The following CUL5 variants were observed in gnomAD, a reference collection of about 807,000 sequenced individuals.
CUL5 encodes the protein cullin 5, also known as cullin-5.
A neutral mutation model predicts 108.8 loss-of-function variants in CUL5; 26 were observed. That is an observed-to-expected ratio of 0.24 (90% CI 0.18 to 0.33). The LOEUF is 0.33. CUL5 is among the 10% of genes least tolerant of loss of function. The pLI is 1.00. For synonymous variants in CUL5, 334 were observed against 298.0 expected (o/e 1.12, Z -1.25); for missense variants, 524 against 909.2 (o/e 0.58, Z 5.45).
At chr11:108,028,953 TA>T (rs1353236424) in intron 1 of CUL5, among the ~76,000 whole-genome samples, 2 of 152,252 alleles carry the variant, frequency 1.3e-5, no homozygotes, top group African/African-American at 4.8e-5. Context: ...TCCAGCTCAG[TA>T]AGATCCAGTA....
At chr11:108,042,014 A>G (rs140068615) in intron 2 of CUL5, among the ~76,000 whole-genome samples, 4 of 152,212 alleles carry the variant, frequency 2.6e-5, no homozygotes, top group East Asian at 1.9e-4. Flanking sequence ...GATGGGGACT[A>G]TCATGGTAAT....
At chr11:108,023,327 A>G (rs918919802) in intron 1 of CUL5, among the ~76,000 whole-genome samples, 1 of 152,210 alleles carries the variant, frequency 6.6e-6, no homozygotes, top group African/African-American at 2.4e-5. Flanking sequence ...GGTGTCTTTT[A>G]ATGGCTAAAG....
intron 2 of CUL5, among the ~76,000 whole-genome samples, chr11:108,035,904 C>T (rs1456400841): frequency 1.3e-5 from 2 of 152,130 alleles, no homozygotes; most frequent in Non-Finnish European, 2.9e-5. Flanking sequence ...TCTGTGATTT[C>T]AGGATTCCAA....
chr11:108,068,645 T>G (rs1863749744), intron 7 of CUL5, among the ~76,000 whole-genome samples: 1 of 152,168 alleles, frequency 6.6e-6, no homozygotes, highest in Admixed American at 6.6e-5. Context: ...AGATGATTTG[T>G]TTTTCAGAAG....
At chr11:108,065,597 A>C (rs546521431) in intron 7 of CUL5, among the ~76,000 whole-genome samples, 97 of 152,272 alleles carry the variant, frequency 6.4e-4, no homozygotes, top group Non-Finnish European at 1.2e-3. Flanking sequence ...AGTTCAATGC[A>C]GTATCTCACA....
In CUL5 at chr11:108,094,413, A is replaced by T. The variant is rs202086072; in HGVS notation, c.1466A>T (p.Tyr489Phe). 36 of 1,586,958 alleles carry T rather than the reference A, an allele frequency of 2.3e-5. No homozygotes were observed. The Middle Eastern group carries it at 2.2e-3, about 95-fold the overall frequency. The change falls in exon 14 of 19, where the codon TAT becomes TTT. Residue 489 changes from tyrosine to phenylalanine, a missense_variant. This residue lies in a region of CUL5 where 76 missense variants were observed against 168.3 expected (regional missense o/e 0.45). Transcript: ENST00000393094. ...TAGGAAGTTGGTATGCCAGCGGATTATGTAAACAAGCTTGCTAGAATGTTT... is the reference window on the plus strand; with the variant it reads ...TAGGAAGTTGGTATGCCAGCGGATTTTGTAAACAAGCTTGCTAGAATGTTT... ...WLREVGMPADYVNKLARMFQD... is the reference protein window; with the variant it reads ...WLREVGMPADFVNKLARMFQD...
At chr11:108,073,594 A>C (rs1014904332) in intron 10 of CUL5, 97 bp downstream of exon 10, 4 of 511,946 alleles carry the variant, frequency 7.8e-6, no homozygotes, top group Non-Finnish European at 6.5e-6. Context: ...ATTAATTATA[A>C]ACTTAAAAAC....
Position 108,046,393 on chromosome 11 carries a change from G to A in CUL5, c.234+24G>A. ...CAGTAAGTTCTACATGCTTATTTTA[G>A]ACTTGTTTTAAAACTACTCAGATAA... is the stretch of plus-strand genomic sequence containing the variant. On this transcript the variant is annotated intron_variant, in intron 3 of 18. Transcript: ENST00000393094. 2.2e-6 allele frequency: 3 copies of A among 1,386,426 alleles called. No individual in the cohort carries two copies. The South Asian group carries it at 3.7e-5, about 17-fold the overall frequency. The allele number at this position is 1,386,426 out of a possible 1,614,324, so 85.9% of individuals were successfully genotyped here. A position where few individuals can be genotyped will look rare whatever the true frequency, so the allele number is the denominator to read the frequency against.
intron 11 of CUL5, among the ~76,000 whole-genome samples, chr11:108,081,568 T>C (rs949568144): frequency 6.6e-6 from 1 of 151,712 alleles, no homozygotes; most frequent in Non-Finnish European, 1.5e-5. Flanking sequence ...CTGGCTAACA[T>C]GGTGAAACCC....
Position 108,106,114 on chromosome 11 carries a change from C to T in CUL5, c.*1730C>T, listed in dbSNP as rs1241927555. 2.0e-5 allele frequency: 3 copies of T among 152,288 alleles called. No individual in the cohort carries two copies. The highest frequency in any genetic ancestry group is 7.2e-5 in the African/African-American group (3 of 41,442). The allele number at this position is 152,288 out of a possible 1,614,324, so 9.4% of individuals were successfully genotyped here. A position where few individuals can be genotyped will look rare whatever the true frequency, so the allele number is the denominator to read the frequency against. On this transcript the variant is annotated 3_prime_UTR_variant, in exon 19 of 19. Coordinates refer to ENST00000393094, the MANE Select transcript of CUL5 (RefSeq NM_003478.6). ...AGAATTAAACTAAAATTAATACGTA[C>T]AGTTTTCTCTAATTAGGTGACTGTT...
At position 108,014,536 on chromosome 11, in the gene CUL5, A is replaced by T. The variant is rs1862133317; in HGVS notation, c.24+5164A>T. 3.9e-5 allele frequency among the ~76,000 whole-genome samples: 6 copies of T among 152,326 alleles called. No homozygotes were observed. In the South Asian group the frequency reaches 1.2e-3, roughly 32 times the overall value. ...CCCTCAATCTATTTTTGGCTTTTAC[A>T]CATAAATAAAAGTTATTATATTTTC... On this transcript the variant is annotated intron_variant, in intron 1 of 18. Transcript: ENST00000393094.
chr11:108,046,786 T>C (rs1190998102), intron 3 of CUL5, among the ~76,000 whole-genome samples: 2 of 152,214 alleles, frequency 1.3e-5, no homozygotes, highest in Non-Finnish European at 2.9e-5. Flanking sequence ...TGTATTGCTG[T>C]TGCTGAGCTG....
rs867688231 is a variant in CUL5, at chr11:108,070,184, C to G, written c.869C>G (p.Thr290Ser). The G allele has an allele frequency of 6.2e-7, 1 of 1,605,432 alleles. No homozygotes were observed. The highest frequency in any genetic ancestry group is 1.1e-5 in the South Asian group (1 of 90,620). ...ECQGMIKRNE[T>S]EKLHLMFSLM... ...CAAGGCATGATCAAGAGAAATGAAA[C>G]TGAAAGTAGGTAAAACATCACATAA... is the stretch of plus-strand genomic sequence containing the variant. Residue 290 changes from threonine to serine, a missense_variant, in exon 8 of 19, where the codon ACT becomes AGT. By Grantham distance (58) the Thr-to-Ser change is moderately conservative (BLOSUM62 1). Around this residue, in one of 8 missense-constraint regions of CUL5, gnomAD observed 170 missense variants for 305.1 expected, o/e 0.56. Coordinates refer to ENST00000393094, the MANE Select transcript of CUL5 (RefSeq NM_003478.6).
intron 16 of CUL5, among the ~76,000 whole-genome samples, chr11:108,096,052 C>T (rs749813627): frequency 2.7e-5 from 4 of 149,876 alleles, no homozygotes; most frequent in African/African-American, 4.9e-5. Flanking sequence ...GCCAAGATTG[C>T]GCCACTACAC....
intron 1 of CUL5, among the ~76,000 whole-genome samples, chr11:108,029,137 C>T (rs1186004355): frequency 3.9e-5 from 6 of 152,112 alleles, no homozygotes; most frequent in African/African-American, 2.4e-5. Context: ...GGCTTCCCCA[C>T]GGCCCATTTG....
intron 11 of CUL5, among the ~76,000 whole-genome samples, chr11:108,079,981 A>G (rs2135203479): frequency 6.6e-6 from 1 of 152,276 alleles, no homozygotes; most frequent in East Asian, 1.9e-4. Flanking sequence ...GTATGAGAGT[A>G]CCAGCTGACC....
intron 4 of CUL5, among the ~76,000 whole-genome samples, chr11:108,051,716 G>A (rs1863227695): frequency 6.6e-6 from 1 of 152,148 alleles, no homozygotes; most frequent in Non-Finnish European, 1.5e-5. Context: ...CAGATTTTCA[G>A]TTGGTCCTTT....
intron 10 of CUL5, among the ~76,000 whole-genome samples, chr11:108,075,354 C>G (rs1863917746): frequency 1.3e-5 from 2 of 152,138 alleles, no homozygotes; most frequent in Admixed American, 6.5e-5. Flanking sequence ...GTGTTGAGTT[C>G]TTGAAGTTTC....
rs768624380 is a variant in CUL5 at position 108,009,320 on chromosome 11, T to G, written c.-29T>G. ...GCCGGGAGCGCCACGAATTCTCGCGTCGTCTCGCGAGAGTCCAAGTTAAAG... is the reference window on the plus strand; with the variant it reads ...GCCGGGAGCGCCACGAATTCTCGCGGCGTCTCGCGAGAGTCCAAGTTAAAG... On this transcript the variant is annotated 5_prime_UTR_variant, in exon 1 of 19. Transcript: ENST00000393094. 5 of 1,612,854 alleles carry G rather than the reference T, an allele frequency of 3.1e-6. No individual in the cohort carries two copies. Among genetic ancestry groups the G allele is most frequent in the Non-Finnish European group, 4.2e-6 (5 of 1,179,204 alleles).
Sources: allele counts gnomAD v4.1 joint callset (sites outside exome capture counted in the v4.1 genomes callset), GRCh38; gene constraint gnomAD v4.1.1; regional missense constraint gnomAD v4.1.1; transcripts MANE v1.5; gene names NCBI Gene and HGNC (gene_info 2026-07-23, HGNC 2026-07-21).